Variants in CNTNAP5 observed in about 807,000 individuals in gnomAD.
CNTNAP5 encodes contactin-associated protein-like 5.
A neutral mutation model predicts 150.2 loss-of-function variants in CNTNAP5; 72 were observed. That is an observed-to-expected ratio of 0.48 (90% confidence interval 0.40 to 0.58). The LOEUF (loss-of-function observed/expected upper bound fraction) is 0.58, where lower values mean the gene tolerates loss of function less well. Among genes scored for constraint, CNTNAP5 ranks in the 20% least tolerant of loss-of-function variants. The probability of loss-of-function intolerance (pLI) is 0.00; values close to 1 mark genes in which losing one functional copy is unlikely to be tolerated. For synonymous variants in CNTNAP5, 672 were observed against 619.8 expected, an observed-to-expected ratio of 1.08 and a Z score of -1.25; for missense variants, 1,636 against 1,626.2, an observed-to-expected ratio of 1.01 and a Z score of -0.10.
In CNTNAP5 at chr2:124,647,921, C is replaced by T. The variant is rs1339229163; in HGVS notation, c.2040C>T (p.Ala680=). The T allele has an allele frequency of 6.2e-7, 1 of 1,608,036 alleles. No homozygotes were observed. Among genetic ancestry groups the T allele is most frequent in the East Asian group, 2.2e-5 (1 of 44,610 alleles). ...DGSEHCEQEV[A]YHCRRSRLLN... Reference sequence around the variant, plus strand: ...CTGAGCACTGTGAGCAGGAGGTGGCCTACCACTGCAGGAGGTCCCGCCTGC... The same window carrying T: ...CTGAGCACTGTGAGCAGGAGGTGGCTTACCACTGCAGGAGGTCCCGCCTGC... The change falls in exon 13 of 24, where the codon GCC becomes GCT. Residue 680 remains alanine, a synonymous_variant. Coordinates refer to ENST00000682447, the MANE Select transcript of CNTNAP5 (RefSeq NM_001367498.1).
At chr2:124,868,334 A>G (rs1677674414) in intron 20 of CNTNAP5, among the ~76,000 whole-genome samples, 1 of 151,828 alleles carries the variant, frequency 6.6e-6, no homozygotes. Context: ...TGCTTCTCTA[A>G]CCTCATCTGA....
chr2:124,410,872 C>G (rs1191116491), intron 3 of CNTNAP5, among the ~76,000 whole-genome samples: 1 of 150,566 alleles, frequency 6.6e-6, no homozygotes, highest in East Asian at 2.0e-4. Context: ...CAAGAAATAA[C>G]TAAAATCAGA....
chr2:124,859,400 C>T (rs1018115331), intron 19 of CNTNAP5, among the ~76,000 whole-genome samples: 36 of 152,174 alleles, frequency 2.4e-4, no homozygotes, highest in African/African-American at 6.8e-4. Context: ...ATTAAAAAGT[C>T]AGGGAACAAC....
chr2:124,614,005 G>T (rs1677443155), intron 12 of CNTNAP5, among the ~76,000 whole-genome samples: 2 of 152,138 alleles, frequency 1.3e-5, no homozygotes, highest in Non-Finnish European at 1.5e-5. Context: ...TGAAGTGATG[G>T]ATAAGGAAGT....
At chr2:124,256,820 G>T (rs1687327578) in intron 3 of CNTNAP5, among the ~76,000 whole-genome samples, 1 of 152,186 alleles carries the variant, frequency 6.6e-6, no homozygotes, top group Non-Finnish European at 1.5e-5. Context: ...ACTTGATGTG[G>T]TAGGTTGAAG....
intron 10 of CNTNAP5, among the ~76,000 whole-genome samples, chr2:124,544,608 CT>C (rs1173352676): frequency 8.2e-6 from 1 of 122,608 alleles, no homozygotes. Context: ...CTTCTCTATG[CT>C]GTCTTAACAT....
intron 1 of CNTNAP5, among the ~76,000 whole-genome samples, chr2:124,220,131 A>G (rs1686266279): frequency 1.3e-5 from 2 of 151,792 alleles, no homozygotes; most frequent in Admixed American, 1.3e-4. Flanking sequence ...GCTTAATACT[A>G]TGTAAATGTT....
chr2:124,638,660 C>A (rs1331502643), intron 12 of CNTNAP5, among the ~76,000 whole-genome samples: 1 of 152,104 alleles, frequency 6.6e-6, no homozygotes, highest in East Asian at 1.9e-4. Flanking sequence ...GCTCTCATTC[C>A]TATTGCCTTC....
rs200027631 is a variant in CNTNAP5, at chr2:124,894,559, CT to C, written c.3437-8311del. ...GTTTTTTATTTTCTTTTTTCTTTTTCTTTTTTTTTTTTAAGACAAAATCTTG... is the reference window on the plus strand; with the variant it reads ...GTTTTTTATTTTCTTTTTTCTTTTTCTTTTTTTTTTTAAGACAAAATCTTG... On this transcript the variant is annotated intron_variant, in intron 21 of 23. Coordinates refer to ENST00000682447, the MANE Select transcript of CNTNAP5 (RefSeq NM_001367498.1). Among the ~76,000 whole-genome samples the C allele has an allele frequency of 1.9e-3, 265 of 141,792 alleles. 3 individuals are homozygous for C. The highest frequency in any genetic ancestry group is 3.6e-3 in the Middle Eastern group (1 of 276). The allele number at this position is 141,792 out of a possible 152,430, so 93.0% of individuals were successfully genotyped here. A position where few individuals can be genotyped will look rare whatever the true frequency, so the allele number is the denominator to read the frequency against.
In CNTNAP5 at chr2:124,050,090, A is replaced by G. The variant is rs1681650666; in HGVS notation, c.82+24358A>G. On this transcript the variant is annotated intron_variant, in intron 1 of 23. Transcript: ENST00000682447. ...GTACACAAATATTCAAACCATAGCA[A>G]TACCTTAAGCATACTACTTAATATC... Among the ~76,000 whole-genome samples the G allele has an allele frequency of 2.6e-5, 4 of 152,258 alleles. No individual in the cohort carries two copies. In the South Asian group the frequency reaches 8.3e-4, roughly 32 times the overall value.
At chr2:124,265,090 A>G (rs1392289021) in intron 3 of CNTNAP5, among the ~76,000 whole-genome samples, 1 of 152,224 alleles carries the variant, frequency 6.6e-6, no homozygotes, top group African/African-American at 2.4e-5. Context: ...GGTTAGGAAC[A>G]TGTAAATTCA....
At chr2:124,030,351 G>C (rs931004830) in intron 1 of CNTNAP5, among the ~76,000 whole-genome samples, 6 of 152,046 alleles carry the variant, frequency 3.9e-5, no homozygotes, top group Non-Finnish European at 7.4e-5. Flanking sequence ...GTACAGCTAG[G>C]TATACTTACA....
At chr2:124,296,282 C>T (rs1236769485) in intron 3 of CNTNAP5, among the ~76,000 whole-genome samples, 1 of 152,178 alleles carries the variant, frequency 6.6e-6, no homozygotes, top group African/African-American at 2.4e-5. Context: ...TGGCCATTCA[C>T]CATCTTGTAG....
At chr2:124,347,974 C>G (rs538923624) in intron 3 of CNTNAP5, among the ~76,000 whole-genome samples, 2 of 152,048 alleles carry the variant, frequency 1.3e-5, no homozygotes, top group East Asian at 3.9e-4. Context: ...ACTACAGGCA[C>G]CTGCCACCAC....
At chr2:124,908,407 C>CA (rs551219530) in intron 22 of CNTNAP5, among the ~76,000 whole-genome samples, 28 of 151,742 alleles carry the variant, frequency 1.8e-4, no homozygotes, top group African/African-American at 2.9e-4. Flanking sequence ...CAAAACAAAA[C>CA]AAAAAAACAG....
intron 1 of CNTNAP5, among the ~76,000 whole-genome samples, chr2:124,102,705 T>G (rs757556071): frequency 6.6e-6 from 1 of 152,178 alleles, no homozygotes; most frequent in Non-Finnish European, 1.5e-5. Flanking sequence ...CATCTGCGCT[T>G]GTGAACCCAC....
chr2:124,801,479 G>A (rs556567283), intron 19 of CNTNAP5, among the ~76,000 whole-genome samples: 3 of 152,246 alleles, frequency 2.0e-5, no homozygotes, highest in African/African-American at 7.2e-5. Flanking sequence ...CTTTGCCATT[G>A]GAGGTCCTCA....
intron 1 of CNTNAP5, among the ~76,000 whole-genome samples, chr2:124,039,866 C>T (rs1342879745): frequency 2.0e-5 from 3 of 152,066 alleles, no homozygotes; most frequent in African/African-American, 7.2e-5. Context: ...TATATGCATG[C>T]TCAGATTTTT....
intron 1 of CNTNAP5, among the ~76,000 whole-genome samples, chr2:124,060,022 G>A (rs1029913326): frequency 6.6e-6 from 1 of 152,108 alleles, no homozygotes; most frequent in East Asian, 1.9e-4. Flanking sequence ...TGTAATAGTC[G>A]ATGATTTGTA....
Sources: gnomAD v4.1 joint callset for allele counts (sites outside exome capture counted in the v4.1 genomes callset) on GRCh38, gnomAD v4.1.1 for gene constraint, MANE v1.5 for transcripts, NCBI Gene and HGNC (gene_info 2026-07-23, HGNC 2026-07-21) for gene names.